The following SND1 variants were observed in gnomAD, a reference collection of about 807,000 sequenced individuals.
SND1 encodes staphylococcal nuclease domain-containing protein 1.
In SND1, 38 loss-of-function variants were observed where a neutral mutation model predicts 121.7. The observed-to-expected ratio is 0.31, with a 90% CI of 0.24 to 0.41. The LOEUF is 0.41. Ranked by LOEUF, SND1 falls within the 10% of genes least tolerant of loss-of-function variation. SND1 has a pLI of 1.00. For missense variants in SND1, 868 were observed against 1,184.6 expected, an observed-to-expected ratio of 0.73 and a Z score of 3.92; for synonymous variants, 401 against 447.4, an observed-to-expected ratio of 0.90 and a Z score of 1.31.
intron 3 of SND1, among the ~76,000 whole-genome samples, chr7:127,696,331 C>T (rs1291506362): frequency 1.3e-5 from 2 of 152,114 alleles, no homozygotes; most frequent in Non-Finnish European, 2.9e-5. Flanking sequence ...TCTTTTTAGT[C>T]TCCCAGAAAA....
intron 9 of SND1, among the ~76,000 whole-genome samples, chr7:127,710,769 T>G (rs1796283534): frequency 6.6e-6 from 1 of 152,192 alleles, no homozygotes; most frequent in African/African-American, 2.4e-5. Context: ...CTCCTTTCCT[T>G]CATACCATGG....
rs146853425 is a variant in SND1, at chr7:127,825,750, T to C, written c.1242+18177T>C. ...AATATCTTCCATGTCTCTTCTGTAT[T>C]TTTTTCTGATTATAAAAGCAATATA... is the stretch of plus-strand genomic sequence containing the variant. On this transcript the variant is annotated intron_variant, in intron 11 of 23. Transcript: ENST00000354725. Among the ~76,000 whole-genome samples the C allele has an allele frequency of 9.1e-4, 139 of 152,342 alleles. 1 individual carries two copies. The highest frequency in any genetic ancestry group is 3.4e-3 in the Middle Eastern group (1 of 294).
intron 12 of SND1, among the ~76,000 whole-genome samples, chr7:127,870,659 G>T (rs1799568432): frequency 1.3e-5 from 2 of 152,228 alleles, no homozygotes; most frequent in South Asian, 4.2e-4. Context: ...GAGTATAAAA[G>T]GTACTTACCG....
At chr7:127,811,559 G>A (rs1006860019) in intron 11 of SND1, among the ~76,000 whole-genome samples, 22 of 152,110 alleles carry the variant, frequency 1.4e-4, no homozygotes, top group African/African-American at 5.1e-4. Flanking sequence ...CCAGTGCACG[G>A]CGCCTACCTT....
intron 15 of SND1, among the ~76,000 whole-genome samples, chr7:127,986,967 C>G (rs1490458674): frequency 6.6e-6 from 1 of 152,214 alleles, no homozygotes; most frequent in Non-Finnish European, 1.5e-5. Context: ...AGGCTTGTGT[C>G]AGAGGTAAGC....
intron 14 of SND1, among the ~76,000 whole-genome samples, chr7:127,921,335 T>G (rs1800701464): frequency 6.6e-6 from 1 of 152,186 alleles, no homozygotes; most frequent in Admixed American, 6.5e-5. Flanking sequence ...TTCTAACCCC[T>G]TGCTTTCTCA....
chr7:127,839,914 A>G (rs528643244), intron 11 of SND1, among the ~76,000 whole-genome samples: 6 of 152,302 alleles, frequency 3.9e-5, no homozygotes, highest in African/African-American at 1.4e-4. Context: ...GGTTTAAATA[A>G]ATATATTTTT....
intron 16 of SND1, among the ~76,000 whole-genome samples, chr7:128,003,052 T>C (rs1384704760): frequency 6.6e-6 from 1 of 152,118 alleles, no homozygotes; most frequent in Non-Finnish European, 1.5e-5. Context: ...CGAAACCTTG[T>C]CTCTAATGAA....
chr7:127,962,193 T>G (rs1007012335), intron 15 of SND1, among the ~76,000 whole-genome samples: 1 of 152,158 alleles, frequency 6.6e-6, no homozygotes, highest in Non-Finnish European at 1.5e-5. Context: ...ATTGCTGTGC[T>G]GGAAGGAAGA....
At chr7:127,786,020 TA>T (rs1347430887) in intron 10 of SND1, among the ~76,000 whole-genome samples, 2 of 151,774 alleles carry the variant, frequency 1.3e-5, no homozygotes, top group Admixed American at 1.3e-4. Context: ...GAAAGATGTC[TA>T]AAAAAAATTT....
intron 11 of SND1, among the ~76,000 whole-genome samples, chr7:127,840,762 G>A (rs913663815): frequency 6.6e-6 from 1 of 152,134 alleles, no homozygotes; most frequent in Non-Finnish European, 1.5e-5. Context: ...ATTACACATT[G>A]ACTTTAATTC....
intron 1 of SND1, among the ~76,000 whole-genome samples, chr7:127,672,102 A>G (rs187158083): frequency 2.4e-3 from 363 of 152,298 alleles, no homozygotes; most frequent in Non-Finnish European, 4.0e-3. Context: ...GGTTACAAAT[A>G]TATTATAGTG....
At chr7:127,807,783 T>C (rs1798262681) in intron 11 of SND1, among the ~76,000 whole-genome samples, 1 of 152,198 alleles carries the variant, frequency 6.6e-6, no homozygotes, top group African/African-American at 2.4e-5. Context: ...GACCACAGTT[T>C]GATTGCCAAT....
intron 11 of SND1, among the ~76,000 whole-genome samples, chr7:127,808,089 A>C (rs1319512743): frequency 7.0e-6 from 1 of 143,678 alleles, no homozygotes; most frequent in Admixed American, 6.9e-5. Context: ...ACCCTGTGGG[A>C]GTTTTTTTTT....
At chr7:127,721,437 AC>A (rs777519621) in intron 10 of SND1, 37 bp downstream of exon 10, 1 of 1,212,116 alleles carries the variant, frequency 8.3e-7, no homozygotes, top group African/African-American at 1.5e-5. Context: ...CTTTGCATAA[AC>A]CAAAAGGAAG....
chr7:127,771,850 A>G (rs1797517490), intron 10 of SND1, among the ~76,000 whole-genome samples: 2 of 151,942 alleles, frequency 1.3e-5, no homozygotes, highest in Admixed American at 1.3e-4. Context: ...TCTCATGTCT[A>G]TTTCTGTCTG....
At chr7:128,032,204 ACGCCGGCGCCTTCCAGCGCCG>A (rs1369494183) in intron 16 of SND1, 1 of 150,850 alleles carries the variant, frequency 6.6e-6, no homozygotes, top group Non-Finnish European at 1.5e-5. Flanking sequence ...CGCGGGGTTA[ACGCCGGCGCCTTCCAGCGCCG>A]CGCCGGCCGG....
intron 11 of SND1, among the ~76,000 whole-genome samples, chr7:127,814,375 G>A (rs1244108651): frequency 3.3e-5 from 5 of 152,034 alleles, no homozygotes; most frequent in Non-Finnish European, 5.9e-5. Flanking sequence ...GTGCTGAATT[G>A]CAAATCTTCC....
At chr7:127,741,371 C>G (rs1796879426) in intron 10 of SND1, among the ~76,000 whole-genome samples, 1 of 152,162 alleles carries the variant, frequency 6.6e-6, no homozygotes, top group Admixed American at 6.5e-5. Context: ...CCCTTTTCCC[C>G]CTTTGTCCTT....
Sources: allele counts gnomAD v4.1 joint callset (sites outside exome capture counted in the v4.1 genomes callset), GRCh38; gene constraint gnomAD v4.1.1; transcripts MANE v1.5; gene names NCBI Gene and HGNC (gene_info 2026-07-23, HGNC 2026-07-21).